MRTFB: variants seen among roughly 807,000 people sequenced by gnomAD.
MRTFB encodes the protein myocardin-related transcription factor B.
MRTFB carries 29 observed loss-of-function variants against 104.2 expected under a neutral mutation model. The ratio of observed to expected loss-of-function variants is 0.28; its 90% CI spans 0.21 to 0.38. The LOEUF is 0.38. Among genes scored for constraint, MRTFB ranks in the 10% least tolerant of loss-of-function variants. The probability of loss-of-function intolerance (pLI) is 1.00; values close to 1 mark genes in which losing one functional copy is unlikely to be tolerated. For synonymous variants in MRTFB, 535 were observed against 519.5 expected, an observed-to-expected ratio of 1.03 and a Z score of -0.41; for missense variants, 1,270 against 1,341.6, an observed-to-expected ratio of 0.95 and a Z score of 0.83.
the MRTFB span, among the ~76,000 whole-genome samples, chr16:14,017,117 A>T: frequency 2.3e-5 from 3 of 129,462 alleles, no homozygotes; most frequent in Non-Finnish European, 3.1e-5. Flanking sequence ...AGTGCAGTGG[A>T]GCAATCTCGG....
At chr16:14,125,827 G>A (rs1297039844) in intron 2 of MRTFB, among the ~76,000 whole-genome samples, 1 of 152,100 alleles carries the variant, frequency 6.6e-6, no homozygotes, top group Non-Finnish European at 1.5e-5. Context: ...TTCTCTTAAG[G>A]ACAGTGATGT....
At chr16:14,224,597 C>A (rs778583972) in intron 8 of MRTFB, among the ~76,000 whole-genome samples, 9 of 151,118 alleles carry the variant, frequency 6.0e-5, no homozygotes. Context: ...AGAAAAGTGA[C>A]TGGTCACCTA....
chr16:14,155,043 C>T (rs1249131515), intron 3 of MRTFB, among the ~76,000 whole-genome samples: 1 of 152,150 alleles, frequency 6.6e-6, no homozygotes, highest in Non-Finnish European at 1.5e-5. Flanking sequence ...TAAAGGCTGC[C>T]CATCACAATT....
At chr16:14,173,118 T>C (rs980566708) in intron 3 of MRTFB, among the ~76,000 whole-genome samples, 13 of 152,146 alleles carry the variant, frequency 8.5e-5, no homozygotes, top group Non-Finnish European at 1.9e-4. Flanking sequence ...TTGGAGTTTT[T>C]TTGTTTTTTG....
chr16:14,186,322 G>C (rs1250365293), intron 3 of MRTFB, among the ~76,000 whole-genome samples: 1 of 152,214 alleles, frequency 6.6e-6, no homozygotes, highest in Non-Finnish European at 1.5e-5. Context: ...GCTGAGATAA[G>C]AGCCGCTTCC....
At chr16:14,168,696 G>A (rs1395927996) in intron 3 of MRTFB, among the ~76,000 whole-genome samples, 2 of 152,202 alleles carry the variant, frequency 1.3e-5, no homozygotes, top group African/African-American at 2.4e-5. Flanking sequence ...GCTATGAATA[G>A]TCTTGTACAG....
At chr16:14,235,330 C>A (rs2042448666) in intron 9 of MRTFB, among the ~76,000 whole-genome samples, 1 of 152,158 alleles carries the variant, frequency 6.6e-6, no homozygotes, top group South Asian at 2.1e-4. Flanking sequence ...GTCGGAAATT[C>A]CAGAGGGTTG....
chr16:14,200,884 G>A, intron 3 of MRTFB: 1 of 1,454,586 alleles, frequency 6.9e-7, no homozygotes, highest in African/African-American at 1.4e-5. Flanking sequence ...GTGTAAGGTG[G>A]GCAGCAGAAA....
chr16:14,200,293 G>T (rs772024078), intron 3 of MRTFB: 1 of 1,595,262 alleles, frequency 6.3e-7, no homozygotes, highest in Admixed American at 1.7e-5. Context: ...TCTGAGTTCC[G>T]ACCCGGACCC....
intron 2 of MRTFB, among the ~76,000 whole-genome samples, chr16:14,112,268 G>C (rs1308085524): frequency 1.3e-5 from 2 of 152,138 alleles, no homozygotes; most frequent in Admixed American, 6.5e-5. Flanking sequence ...GAATTTGAGA[G>C]ATAGCTAGGA....
chr16:14,157,796 G>C (rs1348866506), intron 3 of MRTFB, among the ~76,000 whole-genome samples: 1 of 152,172 alleles, frequency 6.6e-6, no homozygotes, highest in East Asian at 1.9e-4. Context: ...CCAAATAAAT[G>C]AGACATCACT....
chr16:14,205,169 A>G lies in MRTFB; in HGVS notation c.155-5074A>G, dbSNP rs1253474951. ...TTGTGTCTCTCTGGATGATGATATT[A>G]TCGGTGATTTTCTTTTTTAGTTTTT... On this transcript the variant is annotated intron_variant, in intron 3 of 16. Transcript: ENST00000571589. 3.3e-5 allele frequency among the ~76,000 whole-genome samples: 5 copies of G among 152,190 alleles called. No individual in the cohort carries two copies. In the East Asian group the frequency reaches 9.6e-4, roughly 29 times the overall value.
At chr16:14,085,272 A>T (rs527706150) in intron 2 of MRTFB, among the ~76,000 whole-genome samples, 2 of 152,182 alleles carry the variant, frequency 1.3e-5, no homozygotes, top group South Asian at 2.1e-4. Flanking sequence ...CCTGGCCAAC[A>T]TGGTGGAACC....
chr16:14,003,580 T>G, the MRTFB span, among the ~76,000 whole-genome samples: 1 of 151,610 alleles, frequency 6.6e-6, no homozygotes, highest in Non-Finnish European at 1.5e-5. Flanking sequence ...GGAAGACCAC[T>G]GCTTGAGCCC....
intron 8 of MRTFB, among the ~76,000 whole-genome samples, chr16:14,228,483 G>A (rs902271155): frequency 6.6e-6 from 1 of 151,978 alleles, no homozygotes; most frequent in South Asian, 2.1e-4. Flanking sequence ...GCTGAGGCAG[G>A]AGAATTGCTT....
At chr16:14,081,813 TCAAG>T in intron 2 of MRTFB, among the ~76,000 whole-genome samples, 1 of 152,182 alleles carries the variant, frequency 6.6e-6, no homozygotes, top group Admixed American at 6.5e-5. Context: ...GACTCTGGGC[TCAAG>T]CAGTCCACCC....
intron 2 of MRTFB, among the ~76,000 whole-genome samples, chr16:14,123,644 C>G (rs964511145): frequency 6.6e-6 from 1 of 152,140 alleles, no homozygotes. Flanking sequence ...TGTTTTGGTA[C>G]TAGTACCATG....
At chr16:13,996,232 G>A in the MRTFB span, among the ~76,000 whole-genome samples, 9 of 151,680 alleles carry the variant, frequency 5.9e-5, no homozygotes, top group East Asian at 1.9e-4. Flanking sequence ...AGATCGTGCC[G>A]TTGCACTCCA....
At chr16:14,257,029 C>T (rs111593185) in intron 15 of MRTFB, among the ~76,000 whole-genome samples, 1,666 of 152,216 alleles carry the variant, frequency 0.011, 33 homozygotes, top group African/African-American at 0.038. Context: ...CAAATTAAAA[C>T]CCCTGTGCAA....
Sources: gnomAD v4.1 joint callset for allele counts (sites outside exome capture counted in the v4.1 genomes callset) on GRCh38, gnomAD v4.1.1 for gene constraint, MANE v1.5 for transcripts, NCBI Gene and HGNC (gene_info 2026-07-23, HGNC 2026-07-21) for gene names.